The following NRXN3 variants were observed in gnomAD, a reference collection of about 807,000 sequenced individuals.
The protein encoded by NRXN3 is neurexin 3, also known as neurexin III.
A neutral mutation model predicts 137.6 loss-of-function variants in NRXN3; 32 were observed. The ratio of observed to expected loss-of-function variants is 0.23; its 90% confidence interval spans 0.18 to 0.31. NRXN3 has a LOEUF of 0.31. Among genes scored for constraint, NRXN3 ranks in the 10% least tolerant of loss-of-function variants. The pLI, the probability that NRXN3 is intolerant of heterozygous loss-of-function variation, is 1.00. For missense variants in NRXN3, 1,574 were observed against 2,062.5 expected (o/e 0.76, Z 4.59); for synonymous variants, 798 against 784.5 (o/e 1.02, Z -0.29).
At chr14:79,760,234 C>T (rs1250626269) in intron 19 of NRXN3, among the ~76,000 whole-genome samples, 2 of 151,450 alleles carry the variant, frequency 1.3e-5, no homozygotes, top group Admixed American at 6.6e-5. Flanking sequence ...GTGTGGCGAG[C>T]TAATTAAGAC....
intron 4 of NRXN3, among the ~76,000 whole-genome samples, chr14:78,487,772 TAA>T (rs2095589424): frequency 6.6e-6 from 1 of 150,584 alleles, no homozygotes; most frequent in Non-Finnish European, 1.5e-5. Flanking sequence ...AATAAATAAA[TAA>T]ATAAATAAAT....
At chr14:79,854,490 A>C (rs2141819958) in intron 20 of NRXN3, among the ~76,000 whole-genome samples, 1 of 152,166 alleles carries the variant, frequency 6.6e-6, no homozygotes, top group East Asian at 1.9e-4. Flanking sequence ...TTTCACTGTT[A>C]TGTTTTGTGC....
At position 79,861,181 on chromosome 14, in the gene NRXN3, G is replaced by T. The variant is rs1410088402; in HGVS notation, c.4094-161G>T. 1 of 1,531,828 alleles carries T rather than the reference G, an allele frequency of 6.5e-7. No individual in the cohort carries two copies. Among genetic ancestry groups the T allele is most frequent in the Non-Finnish European group, 8.7e-7 (1 of 1,145,218 alleles). 94.9% of individuals were successfully genotyped at this position (1,531,828 alleles called of 1,614,324 possible). ...AGACCACCAAAGATTCCCTGTCCAT[G>T]ACCTCTGAGGCGGGGTTACCTTGCT... On this transcript the variant is annotated intron_variant, in intron 20 of 20. Coordinates refer to ENST00000335750, the MANE Select transcript of NRXN3 (RefSeq NM_001330195.2). This position sits in a 1 kb window ranked among gnomAD's most constrained non-coding sequence, Gnocchi z 5.4.
intron 10 of NRXN3, among the ~76,000 whole-genome samples, chr14:78,880,239 C>CAAAAAAA: frequency 2.2e-5 from 1 of 45,274 alleles, no homozygotes. Context: ...GACTCCGTCT[C>CAAAAAAA]AAAAAAAAAA....
At chr14:78,760,063 C>T (rs796538333) in intron 8 of NRXN3, among the ~76,000 whole-genome samples, 26 of 101,336 alleles carry the variant, frequency 2.6e-4, no homozygotes, top group African/African-American at 8.2e-4. Flanking sequence ...TTTTTTGAGA[C>T]GGAGTTTCGC....
chr14:79,065,084 A>G, intron 15 of NRXN3, among the ~76,000 whole-genome samples: 1 of 152,102 alleles, frequency 6.6e-6, no homozygotes, highest in African/African-American at 2.4e-5. Context: ...ACATGCATAT[A>G]TATATATACA....
intron 4 of NRXN3, among the ~76,000 whole-genome samples, chr14:78,507,623 C>T (rs931530305): frequency 2.6e-5 from 4 of 152,180 alleles, no homozygotes; most frequent in South Asian, 2.1e-4. Flanking sequence ...TTAAAGTCCA[C>T]GTGCATAGTC....
At chr14:78,265,919 G>A (rs1277914940) in intron 2 of NRXN3, among the ~76,000 whole-genome samples, 1 of 152,218 alleles carries the variant, frequency 6.6e-6, no homozygotes, top group Non-Finnish European at 1.5e-5. Flanking sequence ...TTCCAAGAGT[G>A]CAAGACCTGT....
In NRXN3 at chr14:78,602,267, C is replaced by CTTTTTTTTTTTTTTTTTT. The variant is rs370669288; in HGVS notation, c.758-42849_758-42832dup. On this transcript the variant is annotated intron_variant, in intron 4 of 20. Transcript: ENST00000335750. ...GGTTTGGTTTGCATTTCACATTAGC[C>CTTTTTTTTTTTTTTTTTT]TTTTTTTTTTTTTTTTTTTTTAAAT... 1.4e-3 allele frequency among the ~76,000 whole-genome samples: 163 copies of CTTTTTTTTTTTTTTTTTT among 115,234 alleles called. 8 individuals carry two copies. The East Asian group carries it at 0.015, about 11-fold the overall frequency. The allele number at this position is 115,234 out of a possible 152,430, so 75.6% of individuals were successfully genotyped here.
At chr14:78,238,147 C>CA (rs1555420689) in intron 1 of NRXN3, among the ~76,000 whole-genome samples, 2 of 148,732 alleles carry the variant, frequency 1.3e-5, no homozygotes, top group African/African-American at 2.6e-5. Flanking sequence ...GAGCCCCCCC[C>CA]ACCACACCAC....
At chr14:78,874,747 T>A (rs1330254687) in intron 10 of NRXN3, among the ~76,000 whole-genome samples, 6 of 152,190 alleles carry the variant, frequency 3.9e-5, no homozygotes, top group African/African-American at 1.4e-4. Context: ...AGGTGTCATG[T>A]TCTGACACTG....
intron 15 of NRXN3, among the ~76,000 whole-genome samples, chr14:79,215,888 G>T (rs2068425382): frequency 1.3e-5 from 2 of 152,158 alleles, no homozygotes; most frequent in South Asian, 4.1e-4. Context: ...TTTCACTGGT[G>T]TTTTTTTCTG....
chr14:79,150,082 A>G (rs961545880), intron 15 of NRXN3, among the ~76,000 whole-genome samples: 5 of 152,052 alleles, frequency 3.3e-5, no homozygotes, highest in Non-Finnish European at 7.4e-5. Flanking sequence ...ACAGGCAAGC[A>G]TGTCTAACAT....
intron 15 of NRXN3, among the ~76,000 whole-genome samples, chr14:79,126,797 T>A (rs1175088499): frequency 6.6e-6 from 1 of 152,184 alleles, no homozygotes; most frequent in African/African-American, 2.4e-5. Context: ...ACCAACAGTG[T>A]AAAAGTCTTC....
At chr14:79,301,690 T>G (rs1037366538) in intron 15 of NRXN3, among the ~76,000 whole-genome samples, 1 of 151,910 alleles carries the variant, frequency 6.6e-6, no homozygotes, top group Admixed American at 6.6e-5. Context: ...GAAAATAATA[T>G]GAGATTAATA....
At chr14:79,841,938 A>T (rs2099356675) in intron 20 of NRXN3, among the ~76,000 whole-genome samples, 1 of 152,246 alleles carries the variant, frequency 6.6e-6, no homozygotes, top group Non-Finnish European at 1.5e-5. Context: ...AATAAAACAG[A>T]ATTGTGAATG....
chr14:79,711,483 T>C (rs1480663802), intron 19 of NRXN3, among the ~76,000 whole-genome samples: 1 of 151,692 alleles, frequency 6.6e-6, no homozygotes, highest in Non-Finnish European at 1.5e-5. Flanking sequence ...TATTTATTTC[T>C]TATTTATATA....
intron 15 of NRXN3, among the ~76,000 whole-genome samples, chr14:79,344,558 T>C (rs1162216121): frequency 6.6e-6 from 1 of 152,232 alleles, no homozygotes; most frequent in Admixed American, 6.5e-5. Flanking sequence ...TTACATTTAT[T>C]CATTACATTA....
chr14:78,848,542 T>C lies in NRXN3; in HGVS notation c.2275+38198T>C, dbSNP rs555615551. On this transcript the variant is annotated intron_variant, in intron 10 of 20. Transcript: ENST00000335750. ...TTAGTTGGAGAGTTTTAGAATACTT[T>C]ATTTATTCCAGCTTGTACATGAAGT... Among the ~76,000 whole-genome samples the C allele has an allele frequency of 3.9e-5, 6 of 152,284 alleles. No individual in the cohort carries two copies. The South Asian group carries it at 1.0e-3, about 26-fold the overall frequency.
Sources: allele counts gnomAD v4.1 joint callset (sites outside exome capture counted in the v4.1 genomes callset), GRCh38; gene constraint gnomAD v4.1.1; non-coding constraint Gnocchi (gnomAD v3.1); transcripts MANE v1.5; gene names NCBI Gene and HGNC (gene_info 2026-07-23, HGNC 2026-07-21).